The following COX7B2 variants were observed in gnomAD, a reference collection of about 807,000 sequenced individuals.
COX7B2 encodes cytochrome c oxidase subunit 7B2.
For synonymous variants in COX7B2, 37 were observed against 32.1 expected (o/e 1.15, Z -0.51); for missense variants, 109 against 95.9 (o/e 1.14, Z -0.57).
At chr4:46,775,664 C>CA (rs1717117545) in intron 2 of COX7B2, among the ~76,000 whole-genome samples, 1 of 152,034 alleles carries the variant, frequency 6.6e-6, no homozygotes, top group African/African-American at 2.4e-5. Context: ...CACGGAGAGT[C>CA]AAAATCTTCC....
intron 2 of COX7B2, among the ~76,000 whole-genome samples, chr4:46,752,272 T>C (rs62303541): frequency 0.32 from 47,764 of 149,156 alleles, 7,902 homozygotes; most frequent in South Asian, 0.46. Flanking sequence ...TGATTTTGTA[T>C]CCTGAGACTT....
chr4:46,852,125 C>T (rs1484449661), intron 1 of COX7B2, among the ~76,000 whole-genome samples: 1 of 151,968 alleles, frequency 6.6e-6, no homozygotes, highest in South Asian at 2.1e-4. Flanking sequence ...TAAAATTCTA[C>T]TGTGAAAAGG....
intron 1 of COX7B2, among the ~76,000 whole-genome samples, chr4:46,885,439 A>G (rs754790168): frequency 1.3e-5 from 2 of 152,180 alleles, no homozygotes; most frequent in Non-Finnish European, 2.9e-5. Flanking sequence ...TTGGATAAGT[A>G]AACATATAAA....
At chr4:46,762,660 C>T (rs1320789322) in intron 2 of COX7B2, among the ~76,000 whole-genome samples, 2 of 148,748 alleles carry the variant, frequency 1.3e-5, no homozygotes, top group East Asian at 3.9e-4. Flanking sequence ...TGTCCATGAC[C>T]AATGTATATT....
chr4:46,789,391 C>T (rs1397348691), intron 2 of COX7B2, among the ~76,000 whole-genome samples: 1 of 152,044 alleles, frequency 6.6e-6, no homozygotes, highest in Non-Finnish European at 1.5e-5. Flanking sequence ...ACAACCATCA[C>T]AAAAATAATC....
intron 2 of COX7B2, among the ~76,000 whole-genome samples, chr4:46,819,680 A>C (rs1317150425): frequency 6.6e-6 from 1 of 152,246 alleles, no homozygotes; most frequent in Non-Finnish European, 1.5e-5. Flanking sequence ...GCTTGTGTTA[A>C]AGCAGTATAT....
intron 2 of COX7B2, among the ~76,000 whole-genome samples, chr4:46,837,753 G>A (rs533279437): frequency 6.6e-6 from 1 of 152,136 alleles, no homozygotes; most frequent in African/African-American, 2.4e-5. Flanking sequence ...AAATATCCCT[G>A]AGAGGTTTTT....
At position 46,870,330 on chromosome 4, in the gene COX7B2, A is replaced by C. The variant is rs79105719; in HGVS notation, c.-104-25316T>G. On this transcript the variant is annotated intron_variant, in intron 1 of 2. Coordinates refer to ENST00000355591, the MANE Select transcript of COX7B2 (RefSeq NM_130902.3). ...CAACAAACTAGATATTGAAAAAAAA[A>C]ATAACTCAAAATAAGGAGGCATCTA... is the stretch of plus-strand genomic sequence containing the variant. 7.8e-3 allele frequency among the ~76,000 whole-genome samples: 1,186 copies of C among 151,758 alleles called. 18 individuals carry two copies. The highest frequency in any genetic ancestry group is 0.028 in the African/African-American group (1,141 of 41,400).
intron 1 of COX7B2, among the ~76,000 whole-genome samples, chr4:46,894,252 C>T (rs536218251): frequency 3.3e-5 from 5 of 152,010 alleles, no homozygotes; most frequent in East Asian, 1.9e-4. Flanking sequence ...TCATGTTACC[C>T]GACTTCAATA....
chr4:46,746,468 G>A (rs1001297253), intron 2 of COX7B2, among the ~76,000 whole-genome samples: 8 of 152,208 alleles, frequency 5.3e-5, no homozygotes, highest in Non-Finnish European at 8.8e-5. Flanking sequence ...CATGGAGTAC[G>A]CTGTCACCAG....
intron 2 of COX7B2, among the ~76,000 whole-genome samples, chr4:46,805,086 G>A (rs1718924959): frequency 1.3e-5 from 2 of 152,184 alleles, no homozygotes; most frequent in African/African-American, 2.4e-5. Flanking sequence ...GCCACTCCGA[G>A]TGCAGGACCC....
intron 2 of COX7B2, among the ~76,000 whole-genome samples, chr4:46,754,857 A>G (rs1161836527): frequency 6.6e-6 from 1 of 150,832 alleles, no homozygotes; most frequent in Admixed American, 6.7e-5. Flanking sequence ...GCCAAATACT[A>G]TCAAACATAC....
At chr4:46,810,736 G>A (rs1052704367) in intron 2 of COX7B2, among the ~76,000 whole-genome samples, 1 of 152,108 alleles carries the variant, frequency 6.6e-6, no homozygotes, top group Non-Finnish European at 1.5e-5. Context: ...CTCTAGCAGT[G>A]AGTTTTATAT....
intron 1 of COX7B2, among the ~76,000 whole-genome samples, chr4:46,867,185 G>A (rs958414815): frequency 6.6e-6 from 1 of 152,148 alleles, no homozygotes; most frequent in Non-Finnish European, 1.5e-5. Context: ...CCTTACATCA[G>A]ATAACCAGAG....
rs1718027223 is a variant in COX7B2, at chr4:46,872,048, AT to A, written c.-104-27035del. ...AAAGTTCATTACAGCACTATTCACA[AT>A]AGCAAAGTCATGGAATCAATCTAAA... On this transcript the variant is annotated intron_variant, in intron 1 of 2. Coordinates refer to ENST00000355591, the MANE Select transcript of COX7B2 (RefSeq NM_130902.3). 2.6e-5 allele frequency among the ~76,000 whole-genome samples: 4 copies of A among 152,332 alleles called. No individual in the cohort carries two copies. The South Asian group carries it at 8.3e-4, about 32-fold the overall frequency.
At chr4:46,841,373 GTT>G (rs922345049) in intron 2 of COX7B2, among the ~76,000 whole-genome samples, 7 of 150,812 alleles carry the variant, frequency 4.6e-5, no homozygotes, top group African/African-American at 1.7e-4. Context: ...GTGTGTGTGT[GTT>G]TAAGATGGGC....
At chr4:46,830,025 T>C (rs747771854) in intron 2 of COX7B2, among the ~76,000 whole-genome samples, 2 of 151,872 alleles carry the variant, frequency 1.3e-5, no homozygotes, top group African/African-American at 2.4e-5. Flanking sequence ...ATAGAATAGA[T>C]ACTATAAAAA....
chr4:46,880,032 C>T (rs528348886), intron 1 of COX7B2, among the ~76,000 whole-genome samples: 2 of 152,166 alleles, frequency 1.3e-5, no homozygotes, highest in South Asian at 2.1e-4. Flanking sequence ...TGCCTCGTGC[C>T]GGTTTTCATG....
chr4:46,821,822 G>A (rs963615354), intron 2 of COX7B2, among the ~76,000 whole-genome samples: 1 of 152,150 alleles, frequency 6.6e-6, no homozygotes, highest in Non-Finnish European at 1.5e-5. Flanking sequence ...CTAAAATCAT[G>A]GCATATGTCT....
Sources: gnomAD v4.1 joint callset for allele counts (sites outside exome capture counted in the v4.1 genomes callset) on GRCh38, gnomAD v4.1.1 for gene constraint, MANE v1.5 for transcripts, NCBI Gene and HGNC (gene_info 2026-07-23, HGNC 2026-07-21) for gene names.